LRPPRC: variants seen among roughly 807,000 people sequenced by gnomAD.
LRPPRC encodes the protein leucine-rich PPR motif-containing protein, mitochondrial.
In LRPPRC, 120 loss-of-function variants were observed where a neutral mutation model predicts 180.3. That is an observed-to-expected ratio of 0.67 (90% CI 0.57 to 0.77). LRPPRC has a LOEUF of 0.77. Ranked by LOEUF, LRPPRC falls within the 30% of genes least tolerant of loss-of-function variation. The probability of loss-of-function intolerance (pLI) is 0.00; values close to 1 mark genes in which losing one functional copy is unlikely to be tolerated. For missense variants in LRPPRC, 2,012 were observed against 1,657.2 expected (o/e 1.21, Z -3.72); for synonymous variants, 723 against 600.0 (o/e 1.21, Z -3.00).
chr2:43,891,619 G>A (rs150319281), intron 36 of LRPPRC, among the ~76,000 whole-genome samples: 3 of 152,288 alleles, frequency 2.0e-5, no homozygotes, highest in Non-Finnish European at 4.4e-5. Flanking sequence ...TTCTGACTGC[G>A]ATGCTGACTA....
At chr2:43,978,175 T>C (rs943294893) in intron 3 of LRPPRC, among the ~76,000 whole-genome samples, 1 of 152,190 alleles carries the variant, frequency 6.6e-6, no homozygotes, top group Non-Finnish European at 1.5e-5. Context: ...ATAGCTCAGA[T>C]CTGTCAACAG....
chr2:43,891,167 T>C lies in LRPPRC; in HGVS notation c.3986-1291A>G, dbSNP rs918268303. The stretch of plus-strand genomic sequence containing the variant: ...TTTCCCTTCCTGAGGAGCTGAACCC[T>C]TTAAGGGCTCAAGCTCTATCTTCTA... On this transcript the variant is annotated intron_variant, in intron 36 of 37. Transcript: ENST00000260665. Among the ~76,000 whole-genome samples, 17 of 152,190 alleles carry C rather than the reference T, an allele frequency of 1.1e-4. 1 individual carries two copies. Among genetic ancestry groups the C allele is most frequent in the Admixed American group, 1.1e-3 (17 of 15,286 alleles).
chr2:43,971,310 A>G (rs1673793163), intron 11 of LRPPRC, among the ~76,000 whole-genome samples: 1 of 151,870 alleles, frequency 6.6e-6, no homozygotes, highest in Non-Finnish European at 1.5e-5. Context: ...TCTAAGTGAT[A>G]ACTTTTCACT....
intron 14 of LRPPRC, among the ~76,000 whole-genome samples, chr2:43,954,601 G>A (rs533081825): frequency 2.6e-5 from 4 of 152,120 alleles, no homozygotes; most frequent in East Asian, 3.8e-4. Context: ...GAAAACAGAC[G>A]TCTCTTTTTT....
At chr2:43,909,357 G>A (rs1671175644) in intron 30 of LRPPRC, among the ~76,000 whole-genome samples, 1 of 108,012 alleles carries the variant, frequency 9.3e-6, no homozygotes, top group Non-Finnish European at 2.1e-5. Context: ...AAATAACCCT[G>A]GTGGATAACA....
intron 14 of LRPPRC, among the ~76,000 whole-genome samples, chr2:43,954,366 T>C (rs1315780425): frequency 6.6e-6 from 1 of 152,180 alleles, no homozygotes; most frequent in Non-Finnish European, 1.5e-5. Context: ...GCTTAATAGT[T>C]AGGAAGATGC....
At chr2:43,941,561 T>C (rs1459178400) in intron 23 of LRPPRC, among the ~76,000 whole-genome samples, 2 of 152,064 alleles carry the variant, frequency 1.3e-5, no homozygotes, top group East Asian at 3.8e-4. Context: ...GGCAGGCTAG[T>C]GTGGTTAATC....
intron 27 of LRPPRC, among the ~76,000 whole-genome samples, chr2:43,921,512 A>C (rs969834898): frequency 2.0e-5 from 3 of 152,218 alleles, no homozygotes; most frequent in Non-Finnish European, 4.4e-5. Flanking sequence ...CAAGTAAAGT[A>C]TAAAACAATC....
At chr2:43,896,575 A>G (rs879629571) in intron 35 of LRPPRC, 59 bp downstream of exon 35, 29 of 1,079,474 alleles carry the variant, frequency 2.7e-5, no homozygotes, top group African/African-American at 9.3e-5. Flanking sequence ...GTTAAATTCA[A>G]TACTTCTGAG....
chr2:43,917,995 A>G (rs1179964314), intron 29 of LRPPRC, 30 bp downstream of exon 29: 5 of 735,252 alleles, frequency 6.8e-6, no homozygotes, highest in Non-Finnish European at 1.1e-5. Flanking sequence ...CCACCCCCCC[A>G]CACACACCCC....
In LRPPRC at chr2:43,960,638, G is replaced by C. The variant is rs1673310276; in HGVS notation, c.1489-4C>G. ...TATCAGACAGACATCCATTTTCCTG[G>C]AGATAAAGCATATATCAATGAGAAT... is the stretch of plus-strand genomic sequence containing the variant. On this transcript the variant is annotated splice_region_variant and splice_polypyrimidine_tract_variant and intron_variant, in intron 12 of 37. Transcript: ENST00000260665. 1 of 1,463,240 alleles carries C rather than the reference G, an allele frequency of 6.8e-7. No individual in the cohort carries two copies. The highest frequency in any genetic ancestry group is 1.7e-5 in the Admixed American group (1 of 59,818). The allele number at this position is 1,463,240 out of a possible 1,614,324, so 90.6% of individuals were successfully genotyped here.
At position 43,974,206 on chromosome 2, in the gene LRPPRC, C is replaced by T; in HGVS notation, c.1099G>A (p.Asp367Asn). Residue 367 changes from aspartate (D) to asparagine (N), a missense_variant, in exon 9 of 38, where the codon GAT (aspartate) becomes AAT (asparagine). Transcript: ENST00000260665. Reference sequence around the variant, plus strand: ...AAACTGCCAAAGACACTTGGGCCATCTTCCTTTGATACGGGGCATGCTAGT... The same window carrying T: ...AAACTGCCAAAGACACTTGGGCCATTTTCCTTTGATACGGGGCATGCTAGT... ...ILLACPVSKE[D>N]GPSVFGSFFL... 6.2e-7 allele frequency: 1 copy of T among 1,612,624 alleles called. No homozygotes were observed. The highest frequency in any genetic ancestry group is 8.5e-7 in the Non-Finnish European group (1 of 1,178,602).
chr2:43,930,930 G>A (rs1044101853), intron 25 of LRPPRC, among the ~76,000 whole-genome samples: 1 of 151,996 alleles, frequency 6.6e-6, no homozygotes, highest in Middle Eastern at 3.2e-3. Flanking sequence ...ACCTTTTCAG[G>A]TACTTCATTT....
At chr2:43,944,460 A>C (rs1672605566) in intron 22 of LRPPRC, among the ~76,000 whole-genome samples, 1 of 152,088 alleles carries the variant, frequency 6.6e-6, no homozygotes, top group Non-Finnish European at 1.5e-5. Flanking sequence ...GAATAAGTGC[A>C]TTTTTATAAT....
chr2:43,944,565 G>C (rs914519894), intron 22 of LRPPRC, among the ~76,000 whole-genome samples: 2 of 151,966 alleles, frequency 1.3e-5, no homozygotes, highest in African/African-American at 4.8e-5. Flanking sequence ...AGTTAGAAAG[G>C]CGTCCTAGGA....
chr2:43,948,060 T>G (rs1672757432), intron 18 of LRPPRC, 62 bp downstream of exon 18: 8 of 1,138,706 alleles, frequency 7.0e-6, no homozygotes, highest in Non-Finnish European at 1.1e-5. Context: ...TAAATAAAAT[T>G]TTAACATGCT....
intron 19 of LRPPRC, 144 bp from the exon 20 acceptor site, chr2:43,947,514 T>A: frequency 1.5e-6 from 1 of 657,770 alleles, no homozygotes. Context: ...GGGGAATCCA[T>A]GGATGGACTC....
Position 43,975,110 on chromosome 2 carries a change from T to A in LRPPRC, c.845A>T (p.Asp282Val). The A allele has an allele frequency of 3.7e-6, 6 of 1,613,364 alleles. No homozygotes were observed. Among genetic ancestry groups the A allele is most frequent in the Non-Finnish European group, 5.1e-6 (6 of 1,179,842 alleles). ...TCATACCTGCTTAACATGGTCAATG[T>A]CGCCCTTCTCAGCATATGCATTCAA... The part of the protein sequence containing the change: ...ALLNAYAEKG[D>V]IDHVKQTLEK... Residue 282 changes from aspartate to valine, a missense_variant, in exon 7 of 38, where the codon GAC becomes GTC. Physicochemically the swap from Asp to Val is radical, Grantham distance 152. Transcript: ENST00000260665.
rs1670296193 is a variant in LRPPRC at position 43,887,142 on chromosome 2, T to TAAAAAAAAAAAA, written c.*1457_*1458insTTTTTTTTTTTT. ...GCTTAAGCAACAGAGCAAGACTATC[T>TAAAAAAAAAAAA]CAAAAAAAAAAAAAAAAAAAAAGAT... On this transcript the variant is annotated 3_prime_UTR_variant, in exon 38 of 38. Coordinates refer to ENST00000260665, the MANE Select transcript of LRPPRC (RefSeq NM_133259.4). The TAAAAAAAAAAAA allele has an allele frequency of 3.9e-5, 1 of 25,774 alleles. No homozygotes were observed. Among genetic ancestry groups the TAAAAAAAAAAAA allele is most frequent in the African/African-American group, 8.4e-5 (1 of 11,930 alleles). The allele number at this position is 25,774 out of a possible 1,614,324, so 1.6% of individuals were successfully genotyped here. A position where few individuals can be genotyped will look rare whatever the true frequency, so the allele number is the denominator to read the frequency against.
Sources: allele counts gnomAD v4.1 joint callset (sites outside exome capture counted in the v4.1 genomes callset), GRCh38; gene constraint gnomAD v4.1.1; transcripts MANE v1.5; gene names NCBI Gene and HGNC (gene_info 2026-07-23, HGNC 2026-07-21).